Variants in PAN2 observed in about 807,000 individuals in gnomAD.
PAN2 encodes the protein poly(A) specific ribonuclease subunit PAN2.
In PAN2, 68 loss-of-function variants were observed where a neutral mutation model predicts 133.3. The ratio of observed to expected loss-of-function variants is 0.51; its 90% confidence interval spans 0.42 to 0.62. The LOEUF is 0.62. PAN2 is among the 20% of genes least tolerant of loss of function. The probability of loss-of-function intolerance (pLI) is 0.00; values close to 1 mark genes in which losing one functional copy is unlikely to be tolerated. For synonymous variants in PAN2, 462 were observed against 544.6 expected, an observed-to-expected ratio of 0.85 and a Z score of 2.11; for missense variants, 1,042 against 1,500.5, an observed-to-expected ratio of 0.69 and a Z score of 5.05.
chr12:56,318,990 G>T, intron 24 of PAN2, 98 bp downstream of exon 24: 1 of 1,121,244 alleles, frequency 8.9e-7, no homozygotes, highest in Non-Finnish European at 1.3e-6. Context: ...ATGGCCCACA[G>T]CTCCATCCAT....
At chr12:56,330,284 C>T (rs1875626544) in intron 2 of PAN2, among the ~76,000 whole-genome samples, 1 of 150,694 alleles carries the variant, frequency 6.6e-6, no homozygotes, top group Admixed American at 6.6e-5. Context: ...CAAAACACTA[C>T]AAAACCAAAC....
At position 56,326,421 on chromosome 12, in the gene PAN2, C is replaced by CA. The variant is rs760326279; in HGVS notation, c.1263-13dup. 4.1e-5 allele frequency: 65 copies of CA among 1,576,700 alleles called. No individual in the cohort carries two copies. The Middle Eastern group carries it at 6.2e-4, about 15-fold the overall frequency. ...CGGGTGGTGCTCGCCTACAATCCAG[C>CA]ATAGTTCTAGGACTTAAAGAGTTGT... On this transcript the variant is annotated splice_polypyrimidine_tract_variant and intron_variant, in intron 7 of 25. Coordinates refer to ENST00000440411, the MANE Select transcript of PAN2 (RefSeq NM_014871.6).
intron 6 of PAN2, 52 bp from the exon 7 acceptor site, chr12:56,327,011 A>G (rs1282937922): frequency 1.4e-6 from 2 of 1,432,828 alleles, no homozygotes; most frequent in Non-Finnish European, 1.9e-6. Flanking sequence ...AGGGAGCCAT[A>G]TTCTTATGCC....
chr12:56,332,690 G>T, intron 2 of PAN2, 123 bp downstream of exon 2: 3 of 890,648 alleles, frequency 3.4e-6, no homozygotes, highest in Non-Finnish European at 5.4e-6. Flanking sequence ...CCTCCAACCA[G>T]ACCCAGCTGT....
chr12:56,333,837 A>T (rs1248779813), intron 1 of PAN2, 25 bp downstream of exon 1: 1 of 152,142 alleles, frequency 6.6e-6, no homozygotes, highest in Non-Finnish European at 1.5e-5. Flanking sequence ...TGTTCCTGGG[A>T]TGCTTACGGG....
At position 56,325,047 on chromosome 12, in the gene PAN2, G is replaced by A. The variant is rs368875395; in HGVS notation, c.1561C>T (p.Pro521Ser). ...TTACAGTAGGCGTTGGGAATGTGGG[G>A]CTCTAATCCAGCAAACAAGGTCTTA... The part of the protein sequence containing the change: ...YNKTLFAGLE[P>S]HIPNAYCNCM... Residue 521 changes from proline (P) to serine (S), a missense_variant, in exon 10 of 26, where the codon CCC (proline) becomes TCC (serine). Coordinates refer to ENST00000440411, the MANE Select transcript of PAN2 (RefSeq NM_014871.6). 6 of 1,613,934 alleles carry A rather than the reference G, an allele frequency of 3.7e-6. No homozygotes were observed. Among genetic ancestry groups the A allele is most frequent in the Non-Finnish European group, 5.1e-6 (6 of 1,179,966 alleles).
In PAN2 at chr12:56,317,565, T is replaced by C; in HGVS notation, c.*44A>G. 6.3e-7 allele frequency: 1 copy of C among 1,582,252 alleles called. No individual in the cohort carries two copies. The highest frequency in any genetic ancestry group is 8.7e-7 in the Non-Finnish European group (1 of 1,151,724). ...AAGCCATCTCCCAGTTCTGGGGCTATAGAACAGTAAAGGGAGAGGGCCGTG... is the reference window on the plus strand; with the variant it reads ...AAGCCATCTCCCAGTTCTGGGGCTACAGAACAGTAAAGGGAGAGGGCCGTG... On this transcript the variant is annotated 3_prime_UTR_variant, in exon 26 of 26. Coordinates refer to ENST00000440411, the MANE Select transcript of PAN2 (RefSeq NM_014871.6).
rs185966267 is a variant in PAN2, at chr12:56,319,016, A to G, written c.3364+72T>C. On this transcript the variant is annotated intron_variant, in intron 24 of 25. Coordinates refer to ENST00000440411, the MANE Select transcript of PAN2 (RefSeq NM_014871.6). This position sits in a 1 kb window ranked among gnomAD's most constrained non-coding sequence, Gnocchi z 5.4. ...CTCCATCCATGTTGCCGCAAAGAAC[A>G]TGATTTCTTTTTTTTTAAATGGCTG... 2.2e-4 allele frequency: 315 copies of G among 1,452,356 alleles called. 2 individuals carry two copies. In the Middle Eastern group the frequency reaches 6.0e-3, roughly 28 times the overall value. The allele number at this position is 1,452,356 out of a possible 1,614,324, so 90.0% of individuals were successfully genotyped here. A position where few individuals can be genotyped will look rare whatever the true frequency, so the allele number is the denominator to read the frequency against.
intron 24 of PAN2, 112 bp from the exon 25 acceptor site, chr12:56,318,546 A>G: frequency 2.8e-6 from 2 of 724,830 alleles, no homozygotes; most frequent in South Asian, 3.5e-5. Flanking sequence ...CCCTTAAGGA[A>G]AATTGTCAGA....
intron 19 of PAN2, 73 bp downstream of exon 19, chr12:56,322,350 C>G (rs1874650614): frequency 7.7e-7 from 1 of 1,302,166 alleles, no homozygotes; most frequent in Non-Finnish European, 1.1e-6. Context: ...GCCTGGCATT[C>G]TATAGAGCCC....
In PAN2 at chr12:56,319,024, T is replaced by A; in HGVS notation, c.3364+64A>T. ...ATGTTGCCGCAAAGAACATGATTTC[T>A]TTTTTTTTAAATGGCTGCTTCTGCT... On this transcript the variant is annotated intron_variant, in intron 24 of 25. Transcript: ENST00000440411. This position sits in a 1 kb window ranked among gnomAD's most constrained non-coding sequence, Gnocchi z 5.4. The A allele has an allele frequency of 7.3e-7, 1 of 1,369,364 alleles. No homozygotes were observed. Among genetic ancestry groups the A allele is most frequent in the Non-Finnish European group, 1.0e-6 (1 of 970,134 alleles). The allele number at this position is 1,369,364 out of a possible 1,614,324, so 84.8% of individuals were successfully genotyped here.
At chr12:56,330,388 C>G (rs1037905687) in intron 2 of PAN2, among the ~76,000 whole-genome samples, 1 of 103,948 alleles carries the variant, frequency 9.6e-6, no homozygotes, top group Admixed American at 1.6e-4. Context: ...GAGACGGAGT[C>G]TCGCTCTGTC....
intron 20 of PAN2, among the ~76,000 whole-genome samples, chr12:56,321,022 C>G (rs1393540913): frequency 2.0e-4 from 30 of 150,608 alleles, no homozygotes; most frequent in Non-Finnish European, 1.6e-4. Context: ...CAAAATTGTG[C>G]CATTGCACTC....
intron 19 of PAN2, 52 bp from the exon 20 acceptor site, chr12:56,322,220 T>C (rs1483525912): frequency 7.9e-7 from 1 of 1,260,052 alleles, no homozygotes; most frequent in Non-Finnish European, 1.2e-6. Flanking sequence ...CTTTTCCTTT[T>C]CCCCCACTTC....
intron 8 of PAN2, 29 bp downstream of exon 8, chr12:56,326,284 T>G: frequency 1.3e-6 from 2 of 1,544,760 alleles, no homozygotes; most frequent in Non-Finnish European, 8.8e-7. Context: ...TGGGCCGGGG[T>G]CGGGGCTGAC....
intron 8 of PAN2, 130 bp from the exon 9 acceptor site, chr12:56,325,584 T>C: frequency 2.0e-6 from 2 of 980,158 alleles, no homozygotes; most frequent in Non-Finnish European, 3.1e-6. Flanking sequence ...CAGCATCCGC[T>C]GCTTCCTTTC....
intron 1 of PAN2, chr12:56,333,409 C>T: frequency 2.5e-6 from 1 of 395,170 alleles, no homozygotes; most frequent in South Asian, 3.1e-5. Flanking sequence ...TCCGCTAGGC[C>T]CTCTGTACTC....
At chr12:56,322,365 G>A in intron 19 of PAN2, 58 bp downstream of exon 19, 3 of 1,410,254 alleles carry the variant, frequency 2.1e-6, no homozygotes, top group Admixed American at 1.7e-5. Flanking sequence ...GAGCCCTAAA[G>A]ATAAGGATGC....
Position 56,332,982 on chromosome 12 carries a change from T to C in PAN2, c.113A>G (p.Glu38Gly). 1 of 1,614,138 alleles carries C rather than the reference T, an allele frequency of 6.2e-7. No individual in the cohort carries two copies. The highest frequency in any genetic ancestry group is 1.6e-4 in the Middle Eastern group (1 of 6,062). ...CAAGGCCACTCCCTCTGGGTCCAGC[T>C]CCACATTCTGTAGCAGACTTGGGTT... ...HLNPSLLQNV[E>G]LDPEGVALEA... is the part of the protein sequence containing the mutation. The change falls in exon 2 of 26, where the codon GAG becomes GGG. Residue 38 changes from glutamate to glycine, a missense_variant. Glu to Gly is a moderately conservative substitution (Grantham distance 98). Coordinates refer to ENST00000440411, the MANE Select transcript of PAN2 (RefSeq NM_014871.6).
Sources: allele counts gnomAD v4.1 joint callset (sites outside exome capture counted in the v4.1 genomes callset), GRCh38; gene constraint gnomAD v4.1.1; non-coding constraint Gnocchi (gnomAD v3.1); transcripts MANE v1.5; gene names NCBI Gene and HGNC (gene_info 2026-07-23, HGNC 2026-07-21).